Variants in TRAPPC9 observed in about 807,000 individuals in gnomAD.
The protein encoded by TRAPPC9 is IKK2 binding protein.
Under a neutral mutation model 124.0 loss-of-function variants are expected in TRAPPC9, and 83 were observed. The ratio of observed to expected loss-of-function variants is 0.67; its 90% CI spans 0.56 to 0.80. The LOEUF is 0.80. TRAPPC9 is among the 30% of genes least tolerant of loss of function. TRAPPC9 has a pLI of 0.00. For synonymous variants in TRAPPC9, 638 were observed against 617.5 expected (o/e 1.03, Z -0.49); for missense variants, 1,302 against 1,508.3 (o/e 0.86, Z 2.27).
At chr8:140,341,458 A>C (rs1174929067) in intron 9 of TRAPPC9, among the ~76,000 whole-genome samples, 1 of 152,226 alleles carries the variant, frequency 6.6e-6, no homozygotes, top group East Asian at 1.9e-4. Flanking sequence ...CAAGTCTGAA[A>C]CCTTCAAGTA....
chr8:140,236,185 C>A (rs574715290), intron 16 of TRAPPC9, among the ~76,000 whole-genome samples: 1 of 149,660 alleles, frequency 6.7e-6, no homozygotes, highest in Non-Finnish European at 1.5e-5. Flanking sequence ...CAGGCTCAAG[C>A]GATTCTCCTG....
rs578243911 is a variant in TRAPPC9, at chr8:140,443,385, A to G, written c.585-4188T>C. ...CGGGAGGCGGAGCTTGCAGTGAGCC[A>G]AGATCGCGCCACTGCACTCCAGCGT... On this transcript the variant is annotated intron_variant, in intron 2 of 22. Coordinates refer to ENST00000438773, the MANE Select transcript of TRAPPC9 (RefSeq NM_001160372.4). Among the ~76,000 whole-genome samples, 112 of 151,784 alleles carry G rather than the reference A, an allele frequency of 7.4e-4. 1 individual carries two copies. In the South Asian group the frequency reaches 0.013, roughly 17 times the overall value.
rs1246775104 is a variant in TRAPPC9, at chr8:139,825,023, C to G, written c.3055+60856G>C. The stretch of plus-strand genomic sequence containing the variant: ...CGTGACCAGGGAAGCCCTTCTTCCC[C>G]CTCACAGAGCGCCAAAAGGACCTCT... On this transcript the variant is annotated intron_variant, in intron 21 of 22. Coordinates refer to ENST00000438773, the MANE Select transcript of TRAPPC9 (RefSeq NM_001160372.4). This position sits in a 1 kb window ranked among gnomAD's most constrained non-coding sequence, Gnocchi z 4.6. 6.6e-6 allele frequency among the ~76,000 whole-genome samples: 1 copy of G among 152,130 alleles called. No homozygotes were observed. Among genetic ancestry groups the G allele is most frequent in the African/African-American group, 2.4e-5 (1 of 41,432 alleles).
At chr8:140,026,725 T>C (rs1453419963) in intron 17 of TRAPPC9, among the ~76,000 whole-genome samples, 2 of 152,326 alleles carry the variant, frequency 1.3e-5, no homozygotes, top group East Asian at 3.9e-4. Context: ...GTATATTTCA[T>C]GACTACATAT....
At chr8:139,900,021 T>C (rs533471556) in intron 20 of TRAPPC9, among the ~76,000 whole-genome samples, 45 of 152,300 alleles carry the variant, frequency 3.0e-4, no homozygotes, top group African/African-American at 1.0e-3. Context: ...CATTCCACCA[T>C]TTGACCAGAG....
chr8:140,308,244 C>T (rs1376260358), intron 10 of TRAPPC9, among the ~76,000 whole-genome samples: 1 of 151,796 alleles, frequency 6.6e-6, no homozygotes, highest in East Asian at 1.9e-4. Context: ...ACAATCAAAG[C>T]TGGAGACAGG....
intron 21 of TRAPPC9, among the ~76,000 whole-genome samples, chr8:139,848,515 A>T (rs1036441488): frequency 6.7e-6 from 1 of 149,320 alleles, no homozygotes; most frequent in Non-Finnish European, 1.5e-5. Flanking sequence ...TATATGTGAG[A>T]TATATATATA....
chr8:140,039,652 T>C (rs1841135061), intron 17 of TRAPPC9: 1 of 152,252 alleles, frequency 6.6e-6, no homozygotes, highest in South Asian at 2.1e-4. Flanking sequence ...AAAAACTTGA[T>C]GTATGAATGT....
intron 5 of TRAPPC9, among the ~76,000 whole-genome samples, chr8:140,413,765 G>A (rs967996361): frequency 6.0e-5 from 9 of 149,420 alleles, no homozygotes; most frequent in Non-Finnish European, 1.0e-4. Flanking sequence ...GCGGTGTTTG[G>A]TTTTTAGTTC....
intron 21 of TRAPPC9, among the ~76,000 whole-genome samples, chr8:139,820,760 A>C (rs1209583890): frequency 6.6e-6 from 1 of 152,224 alleles, no homozygotes; most frequent in Non-Finnish European, 1.5e-5. Flanking sequence ...AAAAGAACTA[A>C]ATATATTACA....
intron 21 of TRAPPC9, among the ~76,000 whole-genome samples, chr8:139,847,997 G>A (rs149425152): frequency 1.6e-3 from 247 of 152,362 alleles, no homozygotes; most frequent in African/African-American, 5.8e-3. Context: ...TTGGTCTGCC[G>A]GAACTGGAAC....
At chr8:140,013,450 T>G (rs1455255802) in intron 18 of TRAPPC9, among the ~76,000 whole-genome samples, 1 of 152,260 alleles carries the variant, frequency 6.6e-6, no homozygotes, top group Non-Finnish European at 1.5e-5. Context: ...CCAAAGCTCC[T>G]GCCACACATC....
intron 11 of TRAPPC9, among the ~76,000 whole-genome samples, chr8:140,300,182 C>T (rs985407894): frequency 2.0e-4 from 30 of 152,052 alleles, no homozygotes; most frequent in African/African-American, 6.8e-4. Context: ...CGCACACACA[C>T]GCACACATCT....
intron 2 of TRAPPC9, among the ~76,000 whole-genome samples, chr8:140,439,869 T>G (rs1325390701): frequency 6.6e-6 from 1 of 152,194 alleles, no homozygotes; most frequent in Non-Finnish European, 1.5e-5. Context: ...TGATTTTTTT[T>G]TTAAAGAAAA....
At chr8:139,812,154 A>G (rs932696674) in intron 21 of TRAPPC9, among the ~76,000 whole-genome samples, 2 of 152,252 alleles carry the variant, frequency 1.3e-5, no homozygotes, top group Middle Eastern at 3.2e-3. Flanking sequence ...GTTCTGATGG[A>G]AAGTTCAAGA....
intron 16 of TRAPPC9, among the ~76,000 whole-genome samples, chr8:140,227,860 C>T (rs550281615): frequency 6.6e-6 from 1 of 152,332 alleles, no homozygotes; most frequent in African/African-American, 2.4e-5. Flanking sequence ...AAGTACCTTG[C>T]TCAATATCAC....
At chr8:140,331,659 C>T (rs6988605) in intron 9 of TRAPPC9, among the ~76,000 whole-genome samples, 99,644 of 151,778 alleles carry the variant, frequency 0.66, 33,205 homozygotes, top group African/African-American at 0.79. Context: ...CATGAAAAAG[C>T]AGGCAAAAGA....
intron 11 of TRAPPC9, among the ~76,000 whole-genome samples, chr8:140,299,961 A>G (rs2065918526): frequency 6.6e-6 from 1 of 152,234 alleles, no homozygotes; most frequent in Non-Finnish European, 1.5e-5. Flanking sequence ...CTGATGACTC[A>G]GAAGTCACTT....
chr8:139,882,394 C>T (rs1434922101), intron 21 of TRAPPC9, among the ~76,000 whole-genome samples: 2 of 152,194 alleles, frequency 1.3e-5, no homozygotes, highest in Non-Finnish European at 2.9e-5. Context: ...AAAGCCTCTA[C>T]TACACCACAG....
Sources: allele counts gnomAD v4.1 joint callset (sites outside exome capture counted in the v4.1 genomes callset), GRCh38; gene constraint gnomAD v4.1.1; non-coding constraint Gnocchi (gnomAD v3.1); transcripts MANE v1.5; gene names NCBI Gene and HGNC (gene_info 2026-07-23, HGNC 2026-07-21).